Variants in TRAPPC9 observed in about 807,000 individuals in gnomAD.
TRAPPC9 encodes the protein IKK2 binding protein.
A neutral mutation model predicts 124.0 loss-of-function variants in TRAPPC9; 83 were observed. That is an observed-to-expected ratio of 0.67 (90% CI 0.56 to 0.80). The LOEUF is 0.80. Ranked by LOEUF, TRAPPC9 falls within the 30% of genes least tolerant of loss-of-function variation. TRAPPC9 has a pLI of 0.00. For synonymous variants in TRAPPC9, 638 were observed against 617.5 expected, an observed-to-expected ratio of 1.03 and a Z score of -0.49; for missense variants, 1,302 against 1,508.3, an observed-to-expected ratio of 0.86 and a Z score of 2.27.
chr8:140,134,085 A>C (rs2061251980), intron 17 of TRAPPC9, among the ~76,000 whole-genome samples: 1 of 152,186 alleles, frequency 6.6e-6, no homozygotes, highest in South Asian at 2.1e-4. Context: ...CCCAAATAGC[A>C]AAAACAATAT....
intron 15 of TRAPPC9, chr8:140,262,628 A>G (rs1299104423): frequency 6.6e-6 from 1 of 152,212 alleles, no homozygotes; most frequent in Non-Finnish European, 1.5e-5. Context: ...AACATGCAGT[A>G]GAAATAATAC....
At chr8:140,151,033 C>T (rs1256232518) in intron 17 of TRAPPC9, among the ~76,000 whole-genome samples, 2 of 152,144 alleles carry the variant, frequency 1.3e-5, no homozygotes, top group African/African-American at 2.4e-5. Flanking sequence ...AACAGAGACT[C>T]GTCTAGCTCC....
At chr8:140,303,125 G>A (rs564320126) in intron 10 of TRAPPC9, among the ~76,000 whole-genome samples, 18 of 152,214 alleles carry the variant, frequency 1.2e-4, no homozygotes, top group Non-Finnish European at 2.6e-4. Flanking sequence ...TCAAACGGTA[G>A]AATTAACTTA....
intron 21 of TRAPPC9, among the ~76,000 whole-genome samples, chr8:139,739,975 C>G (rs115866235): frequency 6.6e-6 from 1 of 152,218 alleles, no homozygotes; most frequent in African/African-American, 2.4e-5. Flanking sequence ...CTGGCCCCAC[C>G]ACCGACTGGC....
At chr8:139,809,424 C>A (rs978891452) in intron 21 of TRAPPC9, among the ~76,000 whole-genome samples, 1 of 152,178 alleles carries the variant, frequency 6.6e-6, no homozygotes, top group Non-Finnish European at 1.5e-5. Flanking sequence ...CAAGAGCCAC[C>A]GGGCAACTTC....
chr8:140,193,540 A>C (rs1009000384), intron 17 of TRAPPC9, among the ~76,000 whole-genome samples: 7 of 151,506 alleles, frequency 4.6e-5, no homozygotes, highest in African/African-American at 1.7e-4. Context: ...CAAGTTTAAG[A>C]AGTTCAGATT....
chr8:140,032,411 C>T (rs867356131), intron 17 of TRAPPC9, among the ~76,000 whole-genome samples: 1 of 152,026 alleles, frequency 6.6e-6, no homozygotes. Flanking sequence ...TTTCCTCCCC[C>T]CCCACCCTCC....
chr8:139,732,115 G>C lies in TRAPPC9; in HGVS notation c.3143C>G (p.Thr1048Ser), dbSNP rs1364142394. 6.2e-7 allele frequency: 1 copy of C among 1,607,174 alleles called. No homozygotes were observed. Among genetic ancestry groups the C allele is most frequent in the Non-Finnish European group, 8.5e-7 (1 of 1,177,424 alleles). Residue 1048 changes from threonine to serine, a missense_variant, in exon 22 of 23, where the codon ACC (threonine) becomes AGC (serine). Thr to Ser is a moderately conservative substitution (Grantham distance 58). Transcript: ENST00000438773. ...CCCTACGCTGCGCGGGCTCCGGTTG[G>C]TCAGCCGCACCTCCAGGCGCACGGG... ...GDPVRLEVRL[T>S]NRSPRSVGPF... is the part of the protein sequence containing the mutation.
In TRAPPC9 at chr8:140,104,442, C is replaced by T. The variant is rs1418938934; in HGVS notation, c.2557-80363G>A. ...GCGATCTCTGAGATACTCACAGGCC[C>T]GTGCGATAGTTGGATATCTAAGTGG... On this transcript the variant is annotated intron_variant, in intron 17 of 22. Transcript: ENST00000438773. The surrounding 1 kb of genome is among the most constrained non-coding windows in gnomAD (Gnocchi z 4.0). Among the ~76,000 whole-genome samples, 2 of 152,036 alleles carry T rather than the reference C, an allele frequency of 1.3e-5. No individual in the cohort carries two copies. The highest frequency in any genetic ancestry group is 4.8e-5 in the African/African-American group (2 of 41,378).
At chr8:139,867,982 T>G (rs999808234) in intron 21 of TRAPPC9, among the ~76,000 whole-genome samples, 5 of 152,184 alleles carry the variant, frequency 3.3e-5, no homozygotes, top group Admixed American at 1.3e-4. Flanking sequence ...TGTATTGTGG[T>G]TATACAAGAG....
chr8:139,866,623 G>A (rs761391564), intron 21 of TRAPPC9, among the ~76,000 whole-genome samples: 43 of 152,240 alleles, frequency 2.8e-4, no homozygotes, highest in South Asian at 2.1e-4. Flanking sequence ...AATGAAAGCC[G>A]ACCTCTCCAT....
chr8:140,223,444 G>A (rs1256800357), intron 16 of TRAPPC9, among the ~76,000 whole-genome samples: 6 of 152,150 alleles, frequency 3.9e-5, no homozygotes, highest in Non-Finnish European at 7.4e-5. Flanking sequence ...ATGGGTAGAC[G>A]GGTGGCAAGT....
chr8:139,804,324 G>A (rs1172938439), intron 21 of TRAPPC9, among the ~76,000 whole-genome samples: 18 of 45,186 alleles, frequency 4.0e-4, no homozygotes, highest in Admixed American at 8.9e-4. Context: ...ACCCACCACC[G>A]CCACCAAGCA....
chr8:140,080,957 G>C (rs899647006), intron 17 of TRAPPC9, among the ~76,000 whole-genome samples: 1 of 152,234 alleles, frequency 6.6e-6, no homozygotes, highest in African/African-American at 2.4e-5. Flanking sequence ...GGATGGTGAG[G>C]AAGGTGTTGC....
At chr8:139,852,930 A>G (rs1827578420) in intron 21 of TRAPPC9, among the ~76,000 whole-genome samples, 1 of 152,252 alleles carries the variant, frequency 6.6e-6, no homozygotes, top group African/African-American at 2.4e-5. Flanking sequence ...GCAAACTGGC[A>G]TCTTGAGTTC....
chr8:140,116,807 G>A (rs1367351962), intron 17 of TRAPPC9, among the ~76,000 whole-genome samples: 14 of 152,070 alleles, frequency 9.2e-5, no homozygotes, highest in Non-Finnish European at 2.1e-4. Flanking sequence ...GGGCAGCAGC[G>A]ACGGTGGGGC....
chr8:139,764,223 GAGA>G (rs1820427376), intron 21 of TRAPPC9, among the ~76,000 whole-genome samples: 1 of 152,304 alleles, frequency 6.6e-6, no homozygotes, highest in African/African-American at 2.4e-5. Context: ...AGAGCTAGGG[GAGA>G]AGGAGAGGAG....
At chr8:140,410,092 G>A (rs534720949) in intron 5 of TRAPPC9, among the ~76,000 whole-genome samples, 2 of 129,572 alleles carry the variant, frequency 1.5e-5, no homozygotes, top group East Asian at 5.5e-4. Flanking sequence ...AGTGAGCTGT[G>A]ATCATGCCAC....
intron 21 of TRAPPC9, among the ~76,000 whole-genome samples, chr8:139,798,513 G>A (rs1823256911): frequency 6.6e-6 from 1 of 152,220 alleles, no homozygotes; most frequent in African/African-American, 2.4e-5. Context: ...GGCTGTGACT[G>A]CTCCAGAGAC....
Sources: allele counts gnomAD v4.1 joint callset (sites outside exome capture counted in the v4.1 genomes callset), GRCh38; gene constraint gnomAD v4.1.1; non-coding constraint Gnocchi (gnomAD v3.1); transcripts MANE v1.5; gene names NCBI Gene and HGNC (gene_info 2026-07-23, HGNC 2026-07-21).